The following MCOLN3 variants were observed in gnomAD, a reference collection of about 807,000 sequenced individuals.
MCOLN3 encodes mucolipin-3.
A neutral mutation model predicts 69.4 loss-of-function variants in MCOLN3; 62 were observed. The observed-to-expected ratio is 0.89, with a 90% CI of 0.73 to 1.10. The LOEUF (loss-of-function observed/expected upper bound fraction) is 1.10, where lower values mean the gene tolerates loss of function less well. Ranked by LOEUF, MCOLN3 falls within the 50% of genes least tolerant of loss-of-function variation. MCOLN3 has a pLI of 0.00. For synonymous variants in MCOLN3, 183 were observed against 217.0 expected (o/e 0.84, Z 1.38); for missense variants, 564 against 656.4 (o/e 0.86, Z 1.54).
chr1:85,022,208 AGGCCATTAGAAT>A lies in MCOLN3; in HGVS notation c.1198-28_1198-17del, dbSNP rs750070896. 15 of 1,613,822 alleles carry A rather than the reference AGGCCATTAGAAT, an allele frequency of 9.3e-6. No individual in the cohort carries two copies. In the African/African-American group the frequency reaches 1.9e-4, roughly 20 times the overall value. On this transcript the variant is annotated splice_polypyrimidine_tract_variant and intron_variant, in intron 10 of 12. Coordinates refer to ENST00000370589, the MANE Select transcript of MCOLN3 (RefSeq NM_018298.11). The stretch of plus-strand genomic sequence containing the variant: ...AAATGAGGAGCTGGGAAAGTAAGAG[AGGCCATTAGAAT>A]GGTTTTGTCCTTTAGCCAAAGCAGT...
intron 3 of MCOLN3, among the ~76,000 whole-genome samples, chr1:85,034,953 G>A (rs924846702): frequency 7.2e-5 from 11 of 152,092 alleles, no homozygotes; most frequent in African/African-American, 2.2e-4. Flanking sequence ...TTGTGTGATC[G>A]ACACATAGAA....
At chr1:85,033,189 A>T (rs1652624626) in intron 4 of MCOLN3, among the ~76,000 whole-genome samples, 1 of 152,184 alleles carries the variant, frequency 6.6e-6, no homozygotes, top group Non-Finnish European at 1.5e-5. Context: ...CTAGACAAAG[A>T]TCTGAACTCT....
At chr1:85,035,445 A>C (rs760194480) in intron 3 of MCOLN3, among the ~76,000 whole-genome samples, 18 of 152,206 alleles carry the variant, frequency 1.2e-4, no homozygotes, top group Admixed American at 3.3e-4. Context: ...TCTAAGAGGA[A>C]TCTCTAGTAA....
chr1:85,034,157 T>G lies in MCOLN3; in HGVS notation c.491A>C (p.Lys164Thr). 6.2e-7 allele frequency: 1 copy of G among 1,614,232 alleles called. No homozygotes were observed. The highest frequency in any genetic ancestry group is 1.1e-5 in the South Asian group (1 of 91,080). The part of the protein sequence containing the change: ...SAMAICQHFY[K>T]RGNIYPGNDT... ...ATTTCCAGGGTAGATGTTTCCTCGC[T>G]TGTAGAAGTGCTGACAGATTGCCAT... Residue 164 changes from lysine to threonine, a missense_variant, in exon 4 of 13, where the codon AAG becomes ACG. Coordinates refer to ENST00000370589, the MANE Select transcript of MCOLN3 (RefSeq NM_018298.11).
In MCOLN3 at chr1:85,019,049, A is replaced by G. The variant is rs1651795409; in HGVS notation, c.*74T>C. On this transcript the variant is annotated 3_prime_UTR_variant, in exon 13 of 13. Coordinates refer to ENST00000370589, the MANE Select transcript of MCOLN3 (RefSeq NM_018298.11). ...ACAGTCTTCAAACATACTACATCTG[A>G]TCTCAGAATATCCACAGTGTTCCAA... 7.0e-7 allele frequency: 1 copy of G among 1,431,344 alleles called. No individual in the cohort carries two copies. The highest frequency in any genetic ancestry group is 9.7e-7 in the Non-Finnish European group (1 of 1,036,172). 88.7% of individuals were successfully genotyped at this position (1,431,344 alleles called of 1,614,324 possible).
chr1:85,047,441 C>G (rs1242132346), intron 1 of MCOLN3: 1 of 152,236 alleles, frequency 6.6e-6, no homozygotes, highest in Non-Finnish European at 1.5e-5. Flanking sequence ...TCACCCGGAG[C>G]GCCGGCGCGG....
chr1:85,022,440 G>T (rs762240985), intron 9 of MCOLN3, 40 bp from the exon 10 acceptor site: 2 of 1,405,874 alleles, frequency 1.4e-6, no homozygotes, highest in Non-Finnish European at 2.0e-6. Context: ...TTATAAAGCA[G>T]AAATTCATTT....
chr1:85,032,319 A>G (rs1456904156), intron 6 of MCOLN3, among the ~76,000 whole-genome samples: 1 of 152,202 alleles, frequency 6.6e-6, no homozygotes, highest in Non-Finnish European at 1.5e-5. Flanking sequence ...ACTAAGTAAC[A>G]AGAACCCTTG....
chr1:85,026,881 T>G (rs111323218), intron 7 of MCOLN3, among the ~76,000 whole-genome samples: 14 of 150,084 alleles, frequency 9.3e-5, no homozygotes, highest in African/African-American at 3.4e-4. Context: ...TCAGCCTCCC[T>G]CGTAGCTGGA....
In MCOLN3 at chr1:85,034,017, G is replaced by A. The variant is rs369993494; in HGVS notation, c.550+81C>T. 7.6e-5 allele frequency: 110 copies of A among 1,440,782 alleles called. No homozygotes were observed. The African/African-American group carries it at 1.1e-3, about 15-fold the overall frequency. 89.2% of individuals were successfully genotyped at this position (1,440,782 alleles called of 1,614,324 possible). On this transcript the variant is annotated intron_variant, in intron 4 of 12. Coordinates refer to ENST00000370589, the MANE Select transcript of MCOLN3 (RefSeq NM_018298.11). ...TCCTAATATCACAGACCAAATCAAT[G>A]TTTTCAAAGATGAAATTACTAATTT...
At position 85,027,186 on chromosome 1, in the gene MCOLN3, G is replaced by A. The variant is rs546124794; in HGVS notation, c.833-902C>T. ...ACAAGATAGACAAGGCCCTTGATCT[G>A]TGGAACTTCTATTCTACTACAAAGA... On this transcript the variant is annotated intron_variant, in intron 7 of 12. Transcript: ENST00000370589. 7.4e-4 allele frequency among the ~76,000 whole-genome samples: 113 copies of A among 152,326 alleles called. 1 individual carries two copies. The highest frequency in any genetic ancestry group is 4.6e-4 in the Non-Finnish European group (31 of 68,018).
At chr1:85,028,957 A>G (rs895119449) in intron 7 of MCOLN3, 149 bp downstream of exon 7, 5 of 585,652 alleles carry the variant, frequency 8.5e-6, no homozygotes, top group Non-Finnish European at 1.2e-5. Context: ...TGCCTGAAAC[A>G]TCAGAGTTGA....
chr1:85,035,874 A>G (rs960379744), intron 3 of MCOLN3, among the ~76,000 whole-genome samples: 10 of 152,312 alleles, frequency 6.6e-5, no homozygotes, highest in African/African-American at 2.4e-4. Flanking sequence ...ACACCTGCTC[A>G]AGACTCTTGT....
At chr1:85,040,266 G>A (rs550798999) in intron 3 of MCOLN3, among the ~76,000 whole-genome samples, 1 of 152,188 alleles carries the variant, frequency 6.6e-6, no homozygotes, top group East Asian at 1.9e-4. Flanking sequence ...ACATCTTACT[G>A]TGCATAGACT....
intron 3 of MCOLN3, among the ~76,000 whole-genome samples, chr1:85,036,176 ATAATAGATAC>A (rs1293924240): frequency 6.6e-6 from 1 of 152,132 alleles, no homozygotes; most frequent in Non-Finnish European, 1.5e-5. Context: ...TGCCTGATAC[ATAATAGATAC>A]TATTTTTGTT....
intron 12 of MCOLN3, among the ~76,000 whole-genome samples, 170 bp downstream of exon 12, chr1:85,020,900 C>A (rs1651894234): frequency 6.6e-6 from 1 of 152,178 alleles, no homozygotes. Context: ...TTTCAACATT[C>A]AATTTTTCCA....
At chr1:85,042,493 C>T (rs1483841891) in intron 2 of MCOLN3, among the ~76,000 whole-genome samples, 1 of 152,210 alleles carries the variant, frequency 6.6e-6, no homozygotes, top group Non-Finnish European at 1.5e-5. Flanking sequence ...AGGGATTTTG[C>T]ATCTGTTGAA....
chr1:85,019,149 A>G lies in MCOLN3; in HGVS notation c.1636T>C (p.Ser546Pro). The change falls in exon 13 of 13, where the codon TCT becomes CCT. Residue 546 changes from serine (S) to proline (P), a missense_variant. Ser to Pro is a moderately conservative substitution (Grantham distance 74). Transcript: ENST00000370589. ...KYRLEDDPPV[S>P]LFCCCKK ...TACTTTTTACAACAGCAGAATAAAG[A>G]TACTGGAGGGTCATCTTCTAATCTG... 6.2e-7 allele frequency: 1 copy of G among 1,613,720 alleles called. No homozygotes were observed.
chr1:85,033,616 C>T (rs1380955807), intron 4 of MCOLN3, among the ~76,000 whole-genome samples: 1 of 152,198 alleles, frequency 6.6e-6, no homozygotes, highest in African/African-American at 2.4e-5. Context: ...CATTCCTCCC[C>T]TTCAATCTAC....
Sources: gnomAD v4.1 joint callset for allele counts (sites outside exome capture counted in the v4.1 genomes callset) on GRCh38, gnomAD v4.1.1 for gene constraint, MANE v1.5 for transcripts, NCBI Gene and HGNC (gene_info 2026-07-23, HGNC 2026-07-21) for gene names.